The following CRY1 variants were observed in gnomAD, a reference collection of about 807,000 sequenced individuals.
CRY1 encodes cryptochrome-1.
In CRY1, 45 loss-of-function variants were observed where a neutral mutation model predicts 76.0. The ratio of observed to expected loss-of-function variants is 0.59; its 90% CI spans 0.47 to 0.76. CRY1 has a LOEUF of 0.76. CRY1 is among the 30% of genes least tolerant of loss of function. The pLI is 0.00. For synonymous variants in CRY1, 248 were observed against 244.0 expected, an observed-to-expected ratio of 1.02 and a Z score of -0.15; for missense variants, 587 against 716.4, an observed-to-expected ratio of 0.82 and a Z score of 2.06.
chr12:107,008,154 A>G (rs1952396484), intron 2 of CRY1, among the ~76,000 whole-genome samples: 1 of 152,198 alleles, frequency 6.6e-6, no homozygotes, highest in Non-Finnish European at 1.5e-5. Context: ...TGTGCTCTCT[A>G]CAACTAAAAG....
intron 2 of CRY1, among the ~76,000 whole-genome samples, chr12:107,016,893 G>T (rs928271112): frequency 3.5e-4 from 53 of 152,064 alleles, no homozygotes; most frequent in African/African-American, 1.2e-3. Context: ...TCACATATAG[G>T]CAAACCTTAC....
intron 7 of CRY1, 47 bp downstream of exon 7, chr12:106,999,504 A>T (rs1026804142): frequency 6.6e-7 from 1 of 1,504,676 alleles, no homozygotes; most frequent in South Asian, 1.3e-5. Context: ...TTATTAAGGT[A>T]AGGATTCCTT....
At chr12:107,013,098 G>A (rs1342643060) in intron 2 of CRY1, among the ~76,000 whole-genome samples, 3 of 152,210 alleles carry the variant, frequency 2.0e-5, no homozygotes, top group Non-Finnish European at 2.9e-5. Context: ...CAGTGGCAGG[G>A]TTTGAGAGGA....
At chr12:107,079,126 A>G (rs1404748814) in intron 1 of CRY1, among the ~76,000 whole-genome samples, 1 of 152,136 alleles carries the variant, frequency 6.6e-6, no homozygotes, top group Non-Finnish European at 1.5e-5. Context: ...TAGGATATCC[A>G]CCTACTTCCT....
At chr12:107,014,420 T>C (rs1036292758) in intron 2 of CRY1, among the ~76,000 whole-genome samples, 1 of 152,154 alleles carries the variant, frequency 6.6e-6, no homozygotes, top group African/African-American at 2.4e-5. Context: ...AGCACAAGTA[T>C]ATCAAGAAGA....
intron 10 of CRY1, among the ~76,000 whole-genome samples, chr12:106,993,276 A>T (rs1369658593): frequency 6.6e-6 from 1 of 151,970 alleles, no homozygotes; most frequent in African/African-American, 2.4e-5. Context: ...TTTCTAAAAA[A>T]CATTTCCTTA....
intron 1 of CRY1, among the ~76,000 whole-genome samples, chr12:107,022,694 G>A (rs1449842050): frequency 6.6e-6 from 1 of 151,402 alleles, no homozygotes; most frequent in Non-Finnish European, 1.5e-5. Context: ...AAGATTATGA[G>A]TACTTTTTTG....
intron 2 of CRY1, among the ~76,000 whole-genome samples, chr12:107,006,202 A>G (rs1241403018): frequency 6.6e-6 from 1 of 152,040 alleles, no homozygotes; most frequent in Non-Finnish European, 1.5e-5. Context: ...CCTGGCCAGC[A>G]TGGTGAAACC....
At chr12:107,056,108 A>G (rs1593528869) in intron 1 of CRY1, among the ~76,000 whole-genome samples, 1 of 152,234 alleles carries the variant, frequency 6.6e-6, no homozygotes, top group East Asian at 1.9e-4. Flanking sequence ...GAACCTTAAT[A>G]GTGGTTTTGA....
chr12:106,998,194 C>A, intron 7 of CRY1, 128 bp from the exon 8 acceptor site: 1 of 1,026,818 alleles, frequency 9.7e-7, no homozygotes. Context: ...TTAAACATTC[C>A]AAAGTTAGCT....
chr12:107,002,084 G>A, intron 3 of CRY1, 136 bp from the exon 4 acceptor site: 1 of 661,570 alleles, frequency 1.5e-6, no homozygotes, highest in Non-Finnish European at 2.4e-6. Context: ...TTGTTATAAT[G>A]ACCAAGAAAT....
At chr12:107,064,119 C>T (rs945897405) in intron 1 of CRY1, among the ~76,000 whole-genome samples, 9 of 151,918 alleles carry the variant, frequency 5.9e-5, no homozygotes, top group Admixed American at 2.6e-4. Flanking sequence ...CTATTACGAC[C>T]GGGATGGAAT....
At chr12:107,060,753 C>T (rs896426398) in intron 1 of CRY1, among the ~76,000 whole-genome samples, 3 of 151,940 alleles carry the variant, frequency 2.0e-5, no homozygotes, top group South Asian at 2.1e-4. Context: ...CCGAGGTGGG[C>T]GGATCACGAG....
chr12:107,065,664 A>T (rs188313904), intron 1 of CRY1, among the ~76,000 whole-genome samples: 59 of 152,326 alleles, frequency 3.9e-4, no homozygotes, highest in African/African-American at 1.4e-3. Context: ...ACTATTATAA[A>T]CTTCAACAAA....
chr12:107,070,097 G>C (rs1953170407), intron 1 of CRY1, among the ~76,000 whole-genome samples: 1 of 152,068 alleles, frequency 6.6e-6, no homozygotes, highest in Non-Finnish European at 1.5e-5. Context: ...ACTACATATG[G>C]GGCTAACCTA....
At chr12:107,042,546 T>C (rs1368007864) in intron 1 of CRY1, among the ~76,000 whole-genome samples, 1 of 152,068 alleles carries the variant, frequency 6.6e-6, no homozygotes, top group Non-Finnish European at 1.5e-5. Context: ...AAATATCAGA[T>C]AAAATCAAAT....
In CRY1 at chr12:107,008,005, C is replaced by T. The variant is rs550357091; in HGVS notation, c.268-2757G>A. On this transcript the variant is annotated intron_variant, in intron 2 of 12. Coordinates refer to ENST00000008527, the MANE Select transcript of CRY1 (RefSeq NM_004075.5). ...CAAAGCTGAATTGTAGAAAACATAC[C>T]AGGTTTCAGGGCAGGTAAACTTGCT... Among the ~76,000 whole-genome samples the T allele has an allele frequency of 7.9e-5, 12 of 152,112 alleles. No individual in the cohort carries two copies. The Middle Eastern group carries it at 0.01, about 129-fold the overall frequency.
chr12:107,000,018 C>A lies in CRY1; in HGVS notation c.749G>T (p.Gly250Val). The part of the protein sequence containing the change: ...NANSLLASPT[G>V]LSPYLRFGCL... ...ACCAAATCGGAGATAAGGACTAAGTCCAGTAGGGCTTGCAAGCAGAGAATT... is the reference window on the plus strand; with the variant it reads ...ACCAAATCGGAGATAAGGACTAAGTACAGTAGGGCTTGCAAGCAGAGAATT... The change falls in exon 6 of 13, where the codon GGA becomes GTA. Residue 250 changes from glycine (G) to valine (V), a missense_variant. Coordinates refer to ENST00000008527, the MANE Select transcript of CRY1 (RefSeq NM_004075.5). The A allele has an allele frequency of 6.2e-7, 1 of 1,612,508 alleles. No individual in the cohort carries two copies. Among genetic ancestry groups the A allele is most frequent in the Non-Finnish European group, 8.5e-7 (1 of 1,179,706 alleles).
chr12:107,006,922 G>A (rs1952383196), intron 2 of CRY1, among the ~76,000 whole-genome samples: 1 of 152,018 alleles, frequency 6.6e-6, no homozygotes, highest in African/African-American at 2.4e-5. Flanking sequence ...GGGATTACAG[G>A]CGTGAGCCAC....
Sources: gnomAD v4.1 joint callset for allele counts (sites outside exome capture counted in the v4.1 genomes callset) on GRCh38, gnomAD v4.1.1 for gene constraint, MANE v1.5 for transcripts, NCBI Gene and HGNC (gene_info 2026-07-23, HGNC 2026-07-21) for gene names.